Variants in CIITA observed in about 807,000 individuals in gnomAD.
The protein encoded by CIITA is MHC class II transactivator.
In CIITA, 72 loss-of-function variants were observed where a neutral mutation model predicts 115.1. The ratio of observed to expected loss-of-function variants is 0.63; its 90% CI spans 0.52 to 0.76. The LOEUF is 0.76. CIITA is among the 30% of genes least tolerant of loss of function. The pLI is 0.00. For synonymous variants in CIITA, 763 were observed against 635.6 expected (o/e 1.20, Z -3.02); for missense variants, 1,617 against 1,463.8 (o/e 1.10, Z -1.71).
rs566056266 is a variant in CIITA, at chr16:10,922,971, T to G, written c.3318-257T>G. Reference sequence around the variant, plus strand: ...GGTCTTACAAGACCCATTTTACAGATGAGGAAAATAAAGCACAGAGCAGTT... The same window carrying G: ...GGTCTTACAAGACCCATTTTACAGAGGAGGAAAATAAAGCACAGAGCAGTT... On this transcript the variant is annotated intron_variant, in intron 18 of 19. Coordinates refer to ENST00000324288, the MANE Select transcript of CIITA (RefSeq NM_000246.4). 3 of 560,814 alleles carry G rather than the reference T, an allele frequency of 5.3e-6. No homozygotes were observed. The Admixed American group carries it at 9.2e-5, about 17-fold the overall frequency. 34.7% of individuals were successfully genotyped at this position (560,814 alleles called of 1,614,324 possible).
At position 10,923,314 on chromosome 16, in the gene CIITA, G is replaced by A. The variant is rs761800734; in HGVS notation, c.*11G>A. On this transcript the variant is annotated 3_prime_UTR_variant, in exon 19 of 20. Coordinates refer to ENST00000324288, the MANE Select transcript of CIITA (RefSeq NM_000246.4). The surrounding 1 kb of genome is among the most constrained non-coding windows in gnomAD (Gnocchi z 5.2). ...ATCAGCCTGAGATGATCCCAGCTGTGCTCTGGACAGGGTAACCAGGGTGGG... is the reference window on the plus strand; with the variant it reads ...ATCAGCCTGAGATGATCCCAGCTGTACTCTGGACAGGGTAACCAGGGTGGG... 15 of 1,607,950 alleles carry A rather than the reference G, an allele frequency of 9.3e-6. No homozygotes were observed. The highest frequency in any genetic ancestry group is 1.3e-5 in the Non-Finnish European group (15 of 1,175,234).
chr16:10,886,619 A>C (rs1437693313), intron 1 of CIITA, among the ~76,000 whole-genome samples: 1 of 152,186 alleles, frequency 6.6e-6, no homozygotes, highest in Admixed American at 6.5e-5. Context: ...AACACTTGGC[A>C]TTTCCCAGAT....
chr16:10,907,603 C>T lies in CIITA; in HGVS notation c.2111C>T (p.Ser704Phe), dbSNP rs768430228. The T allele has an allele frequency of 1.4e-5, 22 of 1,614,124 alleles. No homozygotes were observed. Among genetic ancestry groups the T allele is most frequent in the Non-Finnish European group, 1.7e-5 (20 of 1,180,052 alleles). The change falls in exon 11 of 20, where the codon TCC (serine) becomes TTC (phenylalanine). Residue 704 changes from serine to phenylalanine, a missense_variant. Ser to Phe is a radical substitution (Grantham distance 155, BLOSUM62 -2). Transcript: ENST00000324288. The surrounding 1 kb of genome is among the most constrained non-coding windows in gnomAD (Gnocchi z 5.0). ...LVQHPPRAAE[S>F]ELAFPSFLLQ... ...CAACACCCACCGCGGGCCGCAGAGT[C>T]CGAGCTGGCCTTCCCCAGCTTCCTC...
intron 13 of CIITA, among the ~76,000 whole-genome samples, chr16:10,915,242 G>C (rs1283949128): frequency 6.6e-6 from 1 of 151,872 alleles, no homozygotes; most frequent in Non-Finnish European, 1.5e-5. Context: ...TAGAGACTGA[G>C]TCTCACTATG....
chr16:10,911,384 C>T (rs2039565636), intron 13 of CIITA, among the ~76,000 whole-genome samples: 1 of 90,232 alleles, frequency 1.1e-5, no homozygotes, highest in Non-Finnish European at 2.5e-5. Context: ...CTTTCTTTCT[C>T]TCTCTCTCTC....
chr16:10,917,083 A>G (rs1596595533), intron 15 of CIITA: 3 of 219,922 alleles, frequency 1.4e-5, no homozygotes, highest in South Asian at 1.8e-4. Context: ...AGGATTTATC[A>G]ATAAAGCATT....
At position 10,910,254 on chromosome 16, in the gene CIITA, G is replaced by A. The variant is rs1210380416; in HGVS notation, c.2883G>A (p.Glu961=). Residue 961 remains glutamate, a synonymous_variant, in exon 13 of 20, where the codon GAG becomes GAA. Coordinates refer to ENST00000324288, the MANE Select transcript of CIITA (RefSeq NM_000246.4). ...CTGTTCGGGACCTAAAGAAACTGGA[G>A]TTTGCGTAAGCAAAGGGGTGGATTG... ...LPAVRDLKKL[E]FALGPVSGPQ... The A allele has an allele frequency of 6.2e-7, 1 of 1,613,952 alleles. No individual in the cohort carries two copies. The highest frequency in any genetic ancestry group is 8.5e-7 in the Non-Finnish European group (1 of 1,179,894).
At position 10,908,141 on chromosome 16, in the gene CIITA, C is replaced by A. The variant is rs969921250; in HGVS notation, c.2649C>A (p.Thr883=). The change falls in exon 11 of 20, where the codon ACC becomes ACA. Residue 883 remains threonine (T), a synonymous_variant. Coordinates refer to ENST00000324288, the MANE Select transcript of CIITA (RefSeq NM_000246.4). The part of the protein sequence containing the change: ...LGSLVGLSCV[T]RFRAALSDTV... ...GCCTCGTGGGACTCAGCTGTGTCAC[C>A]CGTTTCAGGTGGGGTGAGGGGCTTG... 6.4e-7 allele frequency: 1 copy of A among 1,565,602 alleles called. No individual in the cohort carries two copies. Among genetic ancestry groups the A allele is most frequent in the Non-Finnish European group, 8.7e-7 (1 of 1,154,864 alleles).
intron 1 of CIITA, among the ~76,000 whole-genome samples, chr16:10,871,862 C>T (rs918976425): frequency 1.3e-5 from 2 of 152,314 alleles, no homozygotes; most frequent in East Asian, 1.9e-4. Context: ...CACCTGTACC[C>T]GGAAGCTGGC....
At chr16:10,875,422 G>T (rs1354493499), upstream of CIITA, among the ~76,000 whole-genome samples, 1 of 151,980 alleles carries the variant, frequency 6.6e-6, no homozygotes, top group Non-Finnish European at 1.5e-5. Context: ...TACAAAGAAG[G>T]GCATCATCCT....
rs1158727564 is a variant in CIITA, at chr16:10,903,761, C to T, written c.803C>T (p.Pro268Leu). The stretch of plus-strand genomic sequence containing the variant: ...GTGCCCCAGGCCAGCCAAGTACCCC[C>T]TCCCAGTGGATTCACTGTCCACGGC... Reference protein sequence around the residue: ...GEVPQASQVPPPSGFTVHGLP... With the variant: ...GEVPQASQVPLPSGFTVHGLP... The change falls in exon 9 of 20, where the codon CCT (proline) becomes CTT (leucine). Residue 268 changes from proline (P) to leucine (L), a missense_variant. By Grantham distance (98) the Pro-to-Leu change is moderately conservative. Transcript: ENST00000324288. The T allele has an allele frequency of 6.2e-6, 10 of 1,614,206 alleles. No homozygotes were observed. In the East Asian group the frequency reaches 8.9e-5, roughly 14 times the overall value.
upstream of CIITA, among the ~76,000 whole-genome samples, chr16:10,874,276 G>A (rs1169429443): frequency 2.6e-5 from 4 of 152,188 alleles, no homozygotes; most frequent in African/African-American, 7.2e-5. Flanking sequence ...GAGCCACCAC[G>A]CCCGGCCTGC....
Position 10,895,271 on chromosome 16 carries a change from T to G in CIITA, c.53-11T>G. ...CCCTGTGAGGTGACTGAGCATTGTCTTCCCTCCCAGGCAGCTCACAGTGTG... is the reference window on the plus strand; with the variant it reads ...CCCTGTGAGGTGACTGAGCATTGTCGTCCCTCCCAGGCAGCTCACAGTGTG... On this transcript the variant is annotated splice_polypyrimidine_tract_variant and intron_variant, in intron 1 of 19. Coordinates refer to ENST00000324288, the MANE Select transcript of CIITA (RefSeq NM_000246.4). The G allele has an allele frequency of 6.2e-7, 1 of 1,613,716 alleles. No individual in the cohort carries two copies.
chr16:10,881,782 T>C (rs1365260516), intron 1 of CIITA, among the ~76,000 whole-genome samples: 1 of 152,206 alleles, frequency 6.6e-6, no homozygotes, highest in Non-Finnish European at 1.5e-5. Context: ...TCTCCAGAAC[T>C]TTTTCATCCT....
At chr16:10,896,789 G>T (rs2144335693) in intron 3 of CIITA, among the ~76,000 whole-genome samples, 1 of 152,356 alleles carries the variant, frequency 6.6e-6, no homozygotes, top group Non-Finnish European at 1.5e-5. Context: ...CAGCAGTTCT[G>T]TGCTTGATCC....
At chr16:10,915,548 A>G (rs2144970416) in intron 13 of CIITA, 22 bp from the exon 14 acceptor site, 1 of 1,599,848 alleles carries the variant, frequency 6.3e-7, no homozygotes, top group Middle Eastern at 1.7e-4. Context: ...TGGAGGTCTT[A>G]CCCTTGCTCT....
At chr16:10,887,558 T>G (rs2037084051) in intron 1 of CIITA, among the ~76,000 whole-genome samples, 1 of 151,542 alleles carries the variant, frequency 6.6e-6, no homozygotes, top group African/African-American at 2.4e-5. Context: ...TGCAGTGGCG[T>G]GATCTCGGCT....
chr16:10,889,218 T>C (rs2037283395), intron 1 of CIITA, among the ~76,000 whole-genome samples: 1 of 152,134 alleles, frequency 6.6e-6, no homozygotes. Flanking sequence ...TCTGGCAATG[T>C]GGTTTGGAGA....
In CIITA at chr16:10,929,717, A is replaced by G. The variant is rs752478876; in HGVS notation, c.*5862A>G. The stretch of plus-strand genomic sequence containing the variant: ...AATTTAGGGAACCACTGGGAGCCCC[A>G]GACTCAGGCTGAAAATGTCTTTCTG... On this transcript the variant is annotated 3_prime_UTR_variant, in exon 20 of 20. Coordinates refer to ENST00000324288, the MANE Select transcript of CIITA (RefSeq NM_000246.4). The surrounding 1 kb of genome is among the most constrained non-coding windows in gnomAD (Gnocchi z 4.3). The G allele has an allele frequency of 2.4e-5, 5 of 210,640 alleles. No homozygotes were observed. The highest frequency in any genetic ancestry group is 9.4e-5 in the African/African-American group (4 of 42,430). 13.0% of individuals were successfully genotyped at this position (210,640 alleles called of 1,614,324 possible). A position where few individuals can be genotyped will look rare whatever the true frequency, so the allele number is the denominator to read the frequency against.
Sources: gnomAD v4.1 joint callset for allele counts (sites outside exome capture counted in the v4.1 genomes callset) on GRCh38, gnomAD v4.1.1 for gene constraint, Gnocchi (gnomAD v3.1) non-coding constraint, MANE v1.5 for transcripts, NCBI Gene and HGNC (gene_info 2026-07-23, HGNC 2026-07-21) for gene names.